The following MRPS27 variants were observed in gnomAD, a reference collection of about 807,000 sequenced individuals.
MRPS27 encodes small ribosomal subunit protein mS27.
MRPS27 carries 43 observed loss-of-function variants against 48.9 expected under a neutral mutation model. The ratio of observed to expected loss-of-function variants is 0.88; its 90% confidence interval spans 0.69 to 1.13. The LOEUF is 1.13. Ranked by LOEUF, MRPS27 falls within the 50% of genes most tolerant of loss-of-function variation. The pLI is 0.00. For missense variants in MRPS27, 467 were observed against 476.3 expected (o/e 0.98, Z 0.18); for synonymous variants, 188 against 171.9 (o/e 1.09, Z -0.73).
intron 4 of MRPS27, among the ~76,000 whole-genome samples, chr5:72,274,211 G>A (rs1282257333): frequency 6.6e-6 from 1 of 152,074 alleles, no homozygotes; most frequent in Non-Finnish European, 1.5e-5. Context: ...AATATTAGCT[G>A]GGCATGGTGG....
At chr5:72,254,336 T>C (rs540795475) in intron 4 of MRPS27, among the ~76,000 whole-genome samples, 8 of 152,228 alleles carry the variant, frequency 5.3e-5, no homozygotes, top group Admixed American at 1.3e-4. Context: ...CATCATGCCA[T>C]AGCCTAGCTT....
intron 4 of MRPS27, among the ~76,000 whole-genome samples, chr5:72,248,921 C>T (rs1369442057): frequency 6.6e-6 from 1 of 152,180 alleles, no homozygotes; most frequent in Non-Finnish European, 1.5e-5. Context: ...GAAAATACCT[C>T]TGCCTCCCTA....
chr5:72,295,242 A>C, intron 4 of MRPS27: 1 of 225,168 alleles, frequency 4.4e-6, no homozygotes, highest in Non-Finnish European at 8.6e-6. Flanking sequence ...CATGAAAATT[A>C]GGTGAAAAAT....
At position 72,297,633 on chromosome 5, in the gene MRPS27, C is replaced by A; in HGVS notation, c.221G>T (p.Arg74Leu). Residue 74 changes from arginine to leucine, a missense_variant and splice_region_variant, in exon 3 of 11, where the codon CGG becomes CTG. Coordinates refer to ENST00000261413, the MANE Select transcript of MRPS27 (RefSeq NM_015084.3). ...ATATATATGTTAAAATTTTCTTACCCGTGATATTGTTAAAGAACTAACAGG... is the reference window on the plus strand; with the variant it reads ...ATATATATGTTAAAATTTTCTTACCAGTGATATTGTTAAAGAACTAACAGG... Reference protein sequence around the residue: ...KLPVSSLTISRLIDNISSREE... With the variant: ...KLPVSSLTISLLIDNISSREE... 1 of 1,573,426 alleles carries A rather than the reference C, an allele frequency of 6.4e-7. No individual in the cohort carries two copies. The highest frequency in any genetic ancestry group is 1.2e-5 in the South Asian group (1 of 86,224).
chr5:72,282,382 C>T (rs1442903700), intron 4 of MRPS27, among the ~76,000 whole-genome samples: 1 of 152,142 alleles, frequency 6.6e-6, no homozygotes, highest in Admixed American at 6.5e-5. Context: ...AACTGCGTTA[C>T]ACTTAAAACC....
chr5:72,229,564 C>G (rs1017589085), intron 7 of MRPS27: 4 of 147,760 alleles, frequency 2.7e-5, no homozygotes, highest in Non-Finnish European at 4.5e-5. Context: ...AAATAAGGAG[C>G]CTTACAAACA....
rs747535548 is a variant in MRPS27 at position 72,228,347 on chromosome 5, CAA to C, written c.611_612del (p.Phe204TrpfsTer53). 6.2e-7 allele frequency: 1 copy of C among 1,613,008 alleles called. No individual in the cohort carries two copies. Among genetic ancestry groups the C allele is most frequent in the South Asian group, 1.1e-5 (1 of 90,944 alleles). On this transcript the variant is annotated frameshift_variant, in exon 8 of 11. Coordinates refer to ENST00000261413, the MANE Select transcript of MRPS27 (RefSeq NM_015084.3). LOFTEE classifies it high-confidence loss of function. ...AGGCCTGGAAGCAAAAGGGATGCAC[CAA>C]AGTTCCTCTCCTCTTCCCACTGCAA... is the stretch of plus-strand genomic sequence containing the variant. ...TDFSWEEERN[F>X]GASLLLPGLK...
intron 4 of MRPS27, among the ~76,000 whole-genome samples, chr5:72,293,567 G>A (rs1321359535): frequency 2.0e-5 from 3 of 152,088 alleles, no homozygotes; most frequent in Non-Finnish European, 4.4e-5. Context: ...ATCATAGAAG[G>A]TCTTAAAAAC....
intron 1 of MRPS27, 57 bp downstream of exon 1, chr5:72,320,092 G>T: frequency 3.9e-6 from 6 of 1,558,162 alleles, no homozygotes; most frequent in South Asian, 1.1e-5. Flanking sequence ...AAAGCCCACC[G>T]CTCCCTTCAC....
chr5:72,314,686 T>C (rs1035104232), intron 1 of MRPS27: 11 of 152,360 alleles, frequency 7.2e-5, no homozygotes, highest in African/African-American at 2.7e-4. Context: ...CACTGCGCTA[T>C]GCCCATAATT....
At chr5:72,317,490 C>T (rs987461937) in intron 1 of MRPS27, among the ~76,000 whole-genome samples, 1 of 151,910 alleles carries the variant, frequency 6.6e-6, no homozygotes, top group African/African-American at 2.4e-5. Flanking sequence ...TCAAGCGATT[C>T]TCCTGCCTCA....
chr5:72,270,123 G>A (rs1030421078), intron 4 of MRPS27, among the ~76,000 whole-genome samples: 1 of 150,966 alleles, frequency 6.6e-6, no homozygotes, highest in African/African-American at 2.4e-5. Flanking sequence ...AACCCAGGAG[G>A]CGGAGGTTAC....
At chr5:72,251,683 C>T (rs759490524) in intron 4 of MRPS27, among the ~76,000 whole-genome samples, 3 of 152,098 alleles carry the variant, frequency 2.0e-5, no homozygotes, top group Non-Finnish European at 2.9e-5. Context: ...GAGGATAAAC[C>T]GAACTACTGA....
intron 4 of MRPS27, among the ~76,000 whole-genome samples, chr5:72,273,860 T>G (rs1356239617): frequency 6.6e-6 from 1 of 152,188 alleles, no homozygotes; most frequent in Non-Finnish European, 1.5e-5. Flanking sequence ...GCTAATAAAT[T>G]AACCTTAGCT....
chr5:72,256,784 T>C (rs558458206), intron 4 of MRPS27, among the ~76,000 whole-genome samples: 5 of 152,352 alleles, frequency 3.3e-5, no homozygotes, highest in African/African-American at 1.2e-4. Flanking sequence ...TCTCAGAGCC[T>C]CTATGCTGAC....
chr5:72,307,742 G>C (rs986038864), intron 2 of MRPS27, among the ~76,000 whole-genome samples: 1 of 152,076 alleles, frequency 6.6e-6, no homozygotes, highest in Non-Finnish European at 1.5e-5. Flanking sequence ...AGTGGGGGCC[G>C]CAATAAGGGC....
intron 2 of MRPS27, among the ~76,000 whole-genome samples, chr5:72,308,760 AT>A (rs1750354514): frequency 2.0e-5 from 3 of 152,252 alleles, no homozygotes; most frequent in Admixed American, 1.3e-4. Context: ...AGCGGCAATA[AT>A]TACCTTCCAG....
chr5:72,271,667 T>A (rs895811115), intron 4 of MRPS27, among the ~76,000 whole-genome samples: 1 of 152,360 alleles, frequency 6.6e-6, no homozygotes, highest in East Asian at 1.9e-4. Flanking sequence ...GAATATGGAC[T>A]GTATTATAGT....
In MRPS27 at chr5:72,234,328, G is replaced by T. The variant is rs148432300; in HGVS notation, c.397-131C>A. 10 of 817,136 alleles carry T rather than the reference G, an allele frequency of 1.2e-5. No individual in the cohort carries two copies. In the East Asian group the frequency reaches 4.0e-4, roughly 32 times the overall value. The allele number at this position is 817,136 out of a possible 1,614,324, so 50.6% of individuals were successfully genotyped here. On this transcript the variant is annotated intron_variant, in intron 5 of 10. Transcript: ENST00000261413. ...TAAAATATTTGACTATCATTTTACA[G>T]CATCTGTGACAGTGAAACAGAAGCC...
Sources: gnomAD v4.1 joint callset for allele counts (sites outside exome capture counted in the v4.1 genomes callset) on GRCh38, gnomAD v4.1.1 for gene constraint, MANE v1.5 for transcripts, NCBI Gene and HGNC (gene_info 2026-07-23, HGNC 2026-07-21) for gene names.